Variants in GPNMB observed in about 807,000 individuals in gnomAD.
GPNMB encodes the protein transmembrane glycoprotein NMB.
A neutral mutation model predicts 57.3 loss-of-function variants in GPNMB; 71 were observed. The ratio of observed to expected loss-of-function variants is 1.24; its 90% CI spans 1.02 to 1.51. The LOEUF (loss-of-function observed/expected upper bound fraction) is 1.51, where lower values mean the gene tolerates loss of function less well. Among genes scored for constraint, GPNMB ranks in the 40% most tolerant of loss-of-function variants. GPNMB has a pLI of 0.00. For missense variants in GPNMB, 677 were observed against 691.9 expected (o/e 0.98, Z 0.24); for synonymous variants, 253 against 263.2 (o/e 0.96, Z 0.38).
rs1486897952 is a variant in GPNMB at position 23,254,241 on chromosome 7, A to G, written c.296A>G (p.Asn99Ser). 6.2e-7 allele frequency: 1 copy of G among 1,613,910 alleles called. No homozygotes were observed. Among genetic ancestry groups the G allele is most frequent in the Non-Finnish European group, 8.5e-7 (1 of 1,179,762 alleles). The stretch of plus-strand genomic sequence containing the variant: ...GGCTCAAATATAACATTTGCGGTGA[A>G]CCTGATATTCCCTAGATGCCAAAAG... ...LVGSNITFAV[N>S]LIFPRCQKED... Residue 99 changes from asparagine (N) to serine (S), a missense_variant, in exon 3 of 11, where the codon AAC (asparagine) becomes AGC (serine). Coordinates refer to ENST00000258733, the MANE Select transcript of GPNMB (RefSeq NM_002510.3).
chr7:23,254,856 C>T (rs1247216558), intron 3 of GPNMB, among the ~76,000 whole-genome samples: 2 of 152,124 alleles, frequency 1.3e-5, no homozygotes, highest in Non-Finnish European at 2.9e-5. Flanking sequence ...ATTATCTTGT[C>T]AGAATGGTAC....
At chr7:23,252,242 T>C (rs1369496467) in intron 1 of GPNMB, among the ~76,000 whole-genome samples, 1 of 152,252 alleles carries the variant, frequency 6.6e-6, no homozygotes, top group Non-Finnish European at 1.5e-5. Context: ...TTTCATCATA[T>C]TGATCATTAC....
rs761042616 is a variant in GPNMB at position 23,246,842 on chromosome 7, T to A, written c.-16T>A. 1.2e-6 allele frequency: 2 copies of A among 1,607,716 alleles called. No individual in the cohort carries two copies. Among genetic ancestry groups the A allele is most frequent in the Admixed American group, 1.7e-5 (1 of 60,006 alleles). ...CAGAGTTAAACCTTGAGTGCCTGCG[T>A]CCGTGAGAATTCAGCATGGAATGTC... On this transcript the variant is annotated 5_prime_UTR_variant, in exon 1 of 11. Coordinates refer to ENST00000258733, the MANE Select transcript of GPNMB (RefSeq NM_002510.3).
chr7:23,257,288 A>T, intron 4 of GPNMB: 1 of 595,342 alleles, frequency 1.7e-6, no homozygotes, highest in Non-Finnish European at 3.0e-6. Context: ...AAAAACAAAA[A>T]GATTAAGCTC....
intron 2 of GPNMB, 100 bp downstream of exon 2, chr7:23,253,559 C>T (rs143597331): frequency 4.1e-6 from 4 of 979,520 alleles, no homozygotes; most frequent in African/African-American, 3.3e-5. Context: ...GTCATTTCCA[C>T]GAATGACAGT....
In GPNMB at chr7:23,256,894, G is replaced by A. The variant is rs774172804; in HGVS notation, c.370G>A (p.Ala124Thr). 1.2e-6 allele frequency: 2 copies of A among 1,613,634 alleles called. No homozygotes were observed. Among genetic ancestry groups the A allele is most frequent in the African/African-American group, 2.7e-5 (2 of 75,056 alleles). Residue 124 changes from alanine to threonine, a missense_variant and splice_region_variant, in exon 4 of 11, where the codon GCT (alanine) becomes ACT (threonine). Transcript: ENST00000258733. The stretch of plus-strand genomic sequence containing the variant: ...GGCTGGTTTCTATCTCTGTTTAGAG[G>A]CTGGTTTATCTGCTGATCCGTATGT... The part of the protein sequence containing the change: ...IVYEKNCRNE[A>T]GLSADPYVYN...
rs1170608069 is a variant in GPNMB, at chr7:23,261,555, C to G, written c.1018+782C>G. The stretch of plus-strand genomic sequence containing the variant: ...GACAGAAAACCAAACGCCGCATGTT[C>G]TCATTCACAGGTGGGAACTGAACAA... On this transcript the variant is annotated intron_variant, in intron 6 of 10. Transcript: ENST00000258733. Among the ~76,000 whole-genome samples, 10 of 152,238 alleles carry G rather than the reference C, an allele frequency of 6.6e-5. No individual in the cohort carries two copies. The East Asian group carries it at 1.9e-3, about 29-fold the overall frequency.
At chr7:23,271,808 A>G (rs879776618) in intron 9 of GPNMB, among the ~76,000 whole-genome samples, 1 of 151,862 alleles carries the variant, frequency 6.6e-6, no homozygotes, top group Non-Finnish European at 1.5e-5. Context: ...ACAAACAAAC[A>G]CAACAAAAAA....
chr7:23,252,412 G>A (rs924707199), intron 1 of GPNMB, among the ~76,000 whole-genome samples: 5 of 152,084 alleles, frequency 3.3e-5, no homozygotes, highest in Non-Finnish European at 7.4e-5. Flanking sequence ...ACATCAATCT[G>A]AACATTTTTT....
At chr7:23,258,720 C>T (rs1474341041) in intron 4 of GPNMB, among the ~76,000 whole-genome samples, 1 of 152,232 alleles carries the variant, frequency 6.6e-6, no homozygotes, top group Non-Finnish European at 1.5e-5. Flanking sequence ...CTGAAACTAA[C>T]ATTTTCCTCA....
intron 6 of GPNMB, among the ~76,000 whole-genome samples, chr7:23,264,888 T>G (rs1783021769): frequency 6.6e-6 from 1 of 152,024 alleles, no homozygotes; most frequent in South Asian, 2.1e-4. Context: ...AAGAAGAAAT[T>G]TTATGGTTTT....
intron 1 of GPNMB, chr7:23,248,062 T>C (rs1184998269): frequency 6.6e-6 from 1 of 152,382 alleles, no homozygotes; most frequent in East Asian, 1.9e-4. Flanking sequence ...TTGGACAGGC[T>C]CGGGCTCCCC....
rs1446782818 is a variant in GPNMB, at chr7:23,253,319, T to C, written c.83T>C (p.Val28Ala). ...PLDAAKRFHD[V>A]LGNERPSAYM... ...AATATTGATACAGGATTTCATGATG[T>C]GCTGGGCAATGAAAGACCTTCTGCT... The change falls in exon 2 of 11, where the codon GTG becomes GCG. Residue 28 changes from valine to alanine, a missense_variant. Val to Ala is a moderately conservative substitution (Grantham distance 64, BLOSUM62 0). Coordinates refer to ENST00000258733, the MANE Select transcript of GPNMB (RefSeq NM_002510.3). The C allele has an allele frequency of 6.2e-7, 1 of 1,613,774 alleles. No individual in the cohort carries two copies. Among genetic ancestry groups the C allele is most frequent in the East Asian group, 2.2e-5 (1 of 44,888 alleles).
In GPNMB at chr7:23,260,501, A is replaced by C; in HGVS notation, c.746A>C (p.Asn249Thr). The C allele has an allele frequency of 6.2e-7, 1 of 1,613,962 alleles. No homozygotes were observed. Among genetic ancestry groups the C allele is most frequent in the Non-Finnish European group, 8.5e-7 (1 of 1,179,898 alleles). The change falls in exon 6 of 11, where the codon AAT (asparagine) becomes ACT (threonine). Residue 249 changes from asparagine to threonine, a missense_variant. Asn to Thr is a moderately conservative substitution (Grantham distance 65, BLOSUM62 0). Transcript: ENST00000258733. ...ACTATGTTCCAGAAGAACGATCGAA[A>C]TTCATCCGACGAAACCTTCCTCAAA... ...FVTMFQKNDR[N>T]SSDETFLKDL...
chr7:23,247,123 T>C, intron 1 of GPNMB, 196 bp downstream of exon 1: 1 of 591,304 alleles, frequency 1.7e-6, no homozygotes, highest in East Asian at 2.9e-5. Context: ...CATTCTTTGC[T>C]TTCGGCTCAT....
Position 23,260,003 on chromosome 7 carries a change from C to T in GPNMB, c.565C>T (p.Arg189Ter), listed in dbSNP as rs140352180. The T allele has an allele frequency of 1.6e-4, 263 of 1,614,054 alleles. No individual in the cohort carries two copies. Among genetic ancestry groups the T allele is most frequent in the East Asian group, 1.2e-3 (52 of 44,890 alleles). The change falls in exon 5 of 11, where the codon CGA (arginine) becomes TGA (stop). Residue 189 changes from arginine (R) to a stop codon, truncating the protein, a stop_gained. Transcript: ENST00000258733. LOFTEE classifies it high-confidence loss of function. ...AGGTCAGTATTTCCAGAAATTGGGA[C>T]GATGTTCAGTGAGAGTTTCTGTGAA... Reference protein sequence around the residue: ...TLGQYFQKLGRCSVRVSVNTA... With the variant: ...TLGQYFQKLG
At chr7:23,268,681 G>A (rs75168137) in intron 8 of GPNMB, among the ~76,000 whole-genome samples, 4,486 of 151,996 alleles carry the variant, frequency 0.03, 220 homozygotes, top group African/African-American at 0.1. Context: ...TTAATCAGGA[G>A]AATGAAGTGG....
Position 23,274,330 on chromosome 7 carries a change from G to A in GPNMB, c.*106G>A. 3 of 864,636 alleles carry A rather than the reference G, an allele frequency of 3.5e-6. No homozygotes were observed. The highest frequency in any genetic ancestry group is 5.4e-6 in the Non-Finnish European group (3 of 554,470). 53.6% of individuals were successfully genotyped at this position (864,636 alleles called of 1,614,324 possible). A position where few individuals can be genotyped will look rare whatever the true frequency, so the allele number is the denominator to read the frequency against. ...TAAAGATTATTGTTAAATAGATATT[G>A]TGGTTTGGGGAAGTTGAATTTTTTA... On this transcript the variant is annotated 3_prime_UTR_variant, in exon 11 of 11. Coordinates refer to ENST00000258733, the MANE Select transcript of GPNMB (RefSeq NM_002510.3).
intron 9 of GPNMB, among the ~76,000 whole-genome samples, chr7:23,272,846 C>CTTTTTTTTT (rs34346503): frequency 3.6e-5 from 5 of 139,648 alleles, no homozygotes; most frequent in African/African-American, 1.1e-4. Context: ...AGGTGGTGAT[C>CTTTTTTTTT]TTTTTTTTTT....
Sources: allele counts gnomAD v4.1 joint callset (sites outside exome capture counted in the v4.1 genomes callset), GRCh38; gene constraint gnomAD v4.1.1; transcripts MANE v1.5; gene names NCBI Gene and HGNC (gene_info 2026-07-23, HGNC 2026-07-21).